SNX8: variants seen among roughly 807,000 people sequenced by gnomAD.
SNX8 encodes the protein sorting nexin 8, also known as sorting nexin-8.
Under a neutral mutation model 51.6 loss-of-function variants are expected in SNX8, and 25 were observed. The observed-to-expected ratio is 0.48, with a 90% CI of 0.35 to 0.68. The LOEUF (loss-of-function observed/expected upper bound fraction) is 0.68, where lower values mean the gene tolerates loss of function less well. Ranked by LOEUF, SNX8 falls within the 30% of genes least tolerant of loss-of-function variation. SNX8 has a pLI of 0.00. For missense variants in SNX8, 695 were observed against 624.0 expected (o/e 1.11, Z -1.21); for synonymous variants, 324 against 277.0 (o/e 1.17, Z -1.68).
At chr7:2,263,880 CTTT>C (rs916977099) in intron 6 of SNX8, among the ~76,000 whole-genome samples, 1 of 151,854 alleles carries the variant, frequency 6.6e-6, no homozygotes, top group Non-Finnish European at 1.5e-5. Flanking sequence ...GCCCAGAGAA[CTTT>C]TTTTTGTATT....
chr7:2,352,131 C>G (rs1393458789), intron 1 of SNX8, among the ~76,000 whole-genome samples: 2 of 151,990 alleles, frequency 1.3e-5, no homozygotes, highest in African/African-American at 4.8e-5. Flanking sequence ...TGGTCTCGAA[C>G]TCCTGACCTC....
At chr7:2,336,647 G>T (rs1442254108) in intron 1 of SNX8, among the ~76,000 whole-genome samples, 1 of 152,056 alleles carries the variant, frequency 6.6e-6, no homozygotes, top group Non-Finnish European at 1.5e-5. Flanking sequence ...GGCGGAGGTT[G>T]CAGTGAGCCG....
intron 1 of SNX8, among the ~76,000 whole-genome samples, chr7:2,301,373 G>A (rs1796388822): frequency 6.6e-6 from 1 of 152,138 alleles, no homozygotes; most frequent in African/African-American, 2.4e-5. Flanking sequence ...CCCAAATTCG[G>A]GCTTAGCCCA....
intron 8 of SNX8, 29 bp downstream of exon 8, chr7:2,257,705 GC>G: frequency 1.2e-6 from 2 of 1,608,074 alleles, no homozygotes; most frequent in Non-Finnish European, 8.5e-7. Flanking sequence ...TGAAAGTTCT[GC>G]CCCCAGCCAA....
intron 5 of SNX8, among the ~76,000 whole-genome samples, chr7:2,265,711 T>C (rs1303146718): frequency 6.6e-6 from 1 of 152,140 alleles, no homozygotes; most frequent in Non-Finnish European, 1.5e-5. Context: ...ACTCTCCACA[T>C]GGGGGGAAGG....
intron 1 of SNX8, chr7:2,337,008 C>CAA (rs151062223): frequency 0.47 from 68,500 of 144,838 alleles, 16,808 homozygotes; most frequent in East Asian, 0.77. Context: ...GTCCTTGTCT[C>CAA]AAAAAAAAAA....
intron 5 of SNX8, among the ~76,000 whole-genome samples, chr7:2,268,257 T>C (rs1397884933): frequency 3.0e-5 from 4 of 131,418 alleles, no homozygotes; most frequent in East Asian, 2.5e-4. Context: ...GTGAGGAGCG[T>C]CTCTGCCCGG....
chr7:2,256,278 C>G lies in SNX8; in HGVS notation c.1284+596G>C, dbSNP rs573814677. On this transcript the variant is annotated intron_variant, in intron 10 of 10. Transcript: ENST00000222990. Reference sequence around the variant, plus strand: ...GGGACAGTGTGGAATCTCGTGACCACCCCAGACACTCGGTGCCATTCCACA... The same window carrying G: ...GGGACAGTGTGGAATCTCGTGACCAGCCCAGACACTCGGTGCCATTCCACA... Among the ~76,000 whole-genome samples the G allele has an allele frequency of 5.3e-5, 8 of 152,354 alleles. No homozygotes were observed. In the South Asian group the frequency reaches 1.7e-3, roughly 32 times the overall value.
chr7:2,285,105 G>A (rs766567996), intron 1 of SNX8, among the ~76,000 whole-genome samples: 13 of 151,744 alleles, frequency 8.6e-5, no homozygotes, highest in Admixed American at 2.0e-4. Flanking sequence ...CCAGCTACTC[G>A]GGAGTCTGAG....
chr7:2,321,663 C>T (rs1562457266), intron 1 of SNX8, among the ~76,000 whole-genome samples: 2 of 150,742 alleles, frequency 1.3e-5, no homozygotes, highest in African/African-American at 4.9e-5. Context: ...ATCCGCCCTC[C>T]TCGGCCTCCC....
chr7:2,264,278 G>A lies in SNX8; in HGVS notation c.782+20C>T, dbSNP rs759621941. On this transcript the variant is annotated intron_variant, in intron 6 of 10. Transcript: ENST00000222990. ...CCGTCCCACCGCGCGTGCCCCTGCA[G>A]AAGCTGAAAGGTCACCTACCTTAGC... 12 of 1,600,436 alleles carry A rather than the reference G, an allele frequency of 7.5e-6. No individual in the cohort carries two copies. The highest frequency in any genetic ancestry group is 1.3e-5 in the African/African-American group (1 of 74,906).
At chr7:2,321,253 ATGCC>A (rs1424680345) in intron 1 of SNX8, among the ~76,000 whole-genome samples, 1 of 152,014 alleles carries the variant, frequency 6.6e-6, no homozygotes, top group Non-Finnish European at 1.5e-5. Context: ...CTAATCCAGA[ATGCC>A]GACAGGAGAG....
intron 1 of SNX8, among the ~76,000 whole-genome samples, chr7:2,329,525 C>T (rs1172263541): frequency 6.6e-6 from 1 of 152,082 alleles, no homozygotes; most frequent in Non-Finnish European, 1.5e-5. Flanking sequence ...TGTTAGGCCT[C>T]GGGCAGCCTC....
intron 2 of SNX8, among the ~76,000 whole-genome samples, chr7:2,277,410 G>A (rs940729363): frequency 1.3e-5 from 2 of 152,198 alleles, no homozygotes; most frequent in African/African-American, 4.8e-5. Flanking sequence ...CGATGGGGCT[G>A]ACATTCTAAT....
chr7:2,318,219 G>A (rs534665085), upstream of SNX8, among the ~76,000 whole-genome samples: 5 of 152,002 alleles, frequency 3.3e-5, no homozygotes, highest in Non-Finnish European at 7.4e-5. Context: ...TGTTTCCTAC[G>A]TATTTTTGGT....
intron 1 of SNX8, among the ~76,000 whole-genome samples, chr7:2,352,335 A>C (rs1170358241): frequency 6.6e-6 from 1 of 151,974 alleles, no homozygotes; most frequent in African/African-American, 2.4e-5. Flanking sequence ...CCCGACCCCC[A>C]GTTTCACATT....
chr7:2,262,836 G>T (rs35605848), intron 7 of SNX8, among the ~76,000 whole-genome samples: 1 of 152,156 alleles, frequency 6.6e-6, no homozygotes, highest in South Asian at 2.1e-4. Context: ...CTGGGAAGCC[G>T]GCCGGGCACA....
At chr7:2,257,328 G>A (rs1380100552) in intron 9 of SNX8, 37 bp downstream of exon 9, 2 of 1,587,786 alleles carry the variant, frequency 1.3e-6, no homozygotes, top group Non-Finnish European at 1.7e-6. Flanking sequence ...GGAGGGGAAA[G>A]GCTCCCACGG....
chr7:2,353,171 C>G (rs907586865), intron 1 of SNX8, among the ~76,000 whole-genome samples: 5 of 152,028 alleles, frequency 3.3e-5, no homozygotes, highest in Non-Finnish European at 7.4e-5. Context: ...TACCTTCAGT[C>G]CCAAGTACTT....
Sources: gnomAD v4.1 joint callset for allele counts (sites outside exome capture counted in the v4.1 genomes callset) on GRCh38, gnomAD v4.1.1 for gene constraint, MANE v1.5 for transcripts, NCBI Gene and HGNC (gene_info 2026-07-23, HGNC 2026-07-21) for gene names.